The following DNM1L variants were observed in gnomAD, a reference collection of about 807,000 sequenced individuals.
The protein encoded by DNM1L is dynamin-1-like protein.
Under a neutral mutation model 92.8 loss-of-function variants are expected in DNM1L, and 33 were observed. The observed-to-expected ratio is 0.36, with a 90% confidence interval of 0.27 to 0.48. DNM1L has a LOEUF of 0.48. Ranked by LOEUF, DNM1L falls within the 20% of genes least tolerant of loss-of-function variation. The pLI is 0.99. For missense variants in DNM1L, 485 were observed against 888.8 expected, an observed-to-expected ratio of 0.55 and a Z score of 5.78; for synonymous variants, 284 against 305.0, an observed-to-expected ratio of 0.93 and a Z score of 0.72.
At position 32,718,608 on chromosome 12, in the gene DNM1L, T is replaced by G. The variant is rs771143256; in HGVS notation, c.620-35T>G. The G allele has an allele frequency of 1.1e-5, 17 of 1,612,810 alleles. No homozygotes were observed. The South Asian group carries it at 1.5e-4, about 15-fold the overall frequency. ...TGTATTTAATGGATCATTTTCTTTC[T>G]TTTCTTTGCCCTTTTTTCTTTTTGC... On this transcript the variant is annotated intron_variant, in intron 6 of 19. Transcript: ENST00000549701.
At position 32,720,656 on chromosome 12, in the gene DNM1L, A is replaced by C; in HGVS notation, c.741-8A>C. 1 of 1,613,748 alleles carries C rather than the reference A, an allele frequency of 6.2e-7. No homozygotes were observed. The highest frequency in any genetic ancestry group is 8.5e-7 in the Non-Finnish European group (1 of 1,179,798). ...AGCTGAATAGTTTCGTTATTTTTTC[A>C]ACCTCAGGAGCCAGCTAGATATTAA... is the stretch of plus-strand genomic sequence containing the variant. On this transcript the variant is annotated splice_polypyrimidine_tract_variant and splice_region_variant and intron_variant, in intron 7 of 19. Transcript: ENST00000549701.
At chr12:32,689,048 A>G (rs1467839231) in intron 1 of DNM1L, among the ~76,000 whole-genome samples, 1 of 152,188 alleles carries the variant, frequency 6.6e-6, no homozygotes, top group Non-Finnish European at 1.5e-5. Flanking sequence ...ACTCCAGCCT[A>G]AGCAACATAG....
chr12:32,738,760 CTG>C (rs1592684280), intron 16 of DNM1L, among the ~76,000 whole-genome samples: 1 of 152,150 alleles, frequency 6.6e-6, no homozygotes, highest in East Asian at 1.9e-4. Context: ...GAGTTTGAGA[CTG>C]TTTTCAATTC....
At chr12:32,717,094 A>G (rs1170769689) in intron 6 of DNM1L, among the ~76,000 whole-genome samples, 4 of 125,198 alleles carry the variant, frequency 3.2e-5, no homozygotes, top group Non-Finnish European at 4.8e-5. Context: ...TATTTTATAT[A>G]TATATTTTAT....
intron 19 of DNM1L, 114 bp downstream of exon 19, chr12:32,742,862 G>C (rs1955403140): frequency 1.6e-6 from 1 of 606,212 alleles, no homozygotes; most frequent in Non-Finnish European, 2.7e-6. Flanking sequence ...AGCTAGGCTT[G>C]TTTCCTGTTG....
chr12:32,709,677 A>T (rs1179192047), intron 4 of DNM1L: 1 of 152,232 alleles, frequency 6.6e-6, no homozygotes, highest in Admixed American at 6.5e-5. Context: ...ATGACTGCAT[A>T]TGCCTAACAT....
chr12:32,711,565 C>T (rs1165168138), intron 5 of DNM1L, among the ~76,000 whole-genome samples: 2 of 152,072 alleles, frequency 1.3e-5, no homozygotes, highest in East Asian at 1.9e-4. Flanking sequence ...ATTGGCAACT[C>T]ATAAAAAAGC....
At position 32,743,340 on chromosome 12, in the gene DNM1L, T is replaced by C. The variant is rs770726380; in HGVS notation, c.2155-14T>C. Reference sequence around the variant, plus strand: ...TTATAATAAGCATTTAAAATTTTTTTTCCTTTAATGCAGGCATTACAAGGA... The same window carrying C: ...TTATAATAAGCATTTAAAATTTTTTCTCCTTTAATGCAGGCATTACAAGGA... On this transcript the variant is annotated splice_polypyrimidine_tract_variant and intron_variant, in intron 19 of 19. Coordinates refer to ENST00000549701, the MANE Select transcript of DNM1L (RefSeq NM_012062.5). 1.9e-6 allele frequency: 3 copies of C among 1,612,892 alleles called. No homozygotes were observed. The highest frequency in any genetic ancestry group is 1.3e-5 in the African/African-American group (1 of 75,034).
At chr12:32,709,462 T>G (rs1400167344) in intron 4 of DNM1L, 1 of 152,144 alleles carries the variant, frequency 6.6e-6, no homozygotes, top group Non-Finnish European at 1.5e-5. Context: ...CTGAATGTCA[T>G]TGAAGATTGA....
At chr12:32,705,828 C>T (rs763667568) in intron 2 of DNM1L, 2 of 1,597,984 alleles carry the variant, frequency 1.3e-6, no homozygotes, top group South Asian at 1.1e-5. Flanking sequence ...ACTACAGACC[C>T]TGCTACATGG....
chr12:32,681,734 A>T (rs950730891), intron 1 of DNM1L, among the ~76,000 whole-genome samples: 8 of 151,920 alleles, frequency 5.3e-5, no homozygotes, highest in African/African-American at 1.9e-4. Flanking sequence ...TATACCTCAC[A>T]TTTATATTTA....
chr12:32,742,463 C>A, intron 18 of DNM1L, 126 bp from the exon 19 acceptor site: 2 of 1,190,266 alleles, frequency 1.7e-6, no homozygotes, highest in Non-Finnish European at 2.4e-6. Flanking sequence ...GGCGATTATG[C>A]CATTAATGAA....
In DNM1L at chr12:32,723,505, C is replaced by G. The variant is rs183014801; in HGVS notation, c.1079+872C>G. On this transcript the variant is annotated intron_variant, in intron 9 of 19. Coordinates refer to ENST00000549701, the MANE Select transcript of DNM1L (RefSeq NM_012062.5). ...TGACATCAGTTCAAGACCAGCCTGG[C>G]TAACATGGTGAAACCCCATCTCTAC... is the stretch of plus-strand genomic sequence containing the variant. Among the ~76,000 whole-genome samples the G allele has an allele frequency of 1.3e-3, 191 of 152,026 alleles. 1 individual carries two copies. Among genetic ancestry groups the G allele is most frequent in the African/African-American group, 4.5e-3 (185 of 41,480 alleles).
In DNM1L at chr12:32,731,258, G is replaced by C; in HGVS notation, c.1201-98G>C. ...TTGCTCTCATATTTGAAATTAAAAA[G>C]CATTTTTCATGAAAAGTACCAAAAA... On this transcript the variant is annotated intron_variant, in intron 10 of 19. Transcript: ENST00000549701. This position sits in a 1 kb window ranked among gnomAD's most constrained non-coding sequence, Gnocchi z 5.1. 8.4e-7 allele frequency: 1 copy of C among 1,190,076 alleles called. No homozygotes were observed. The highest frequency in any genetic ancestry group is 1.2e-6 in the Non-Finnish European group (1 of 863,556). The allele number at this position is 1,190,076 out of a possible 1,614,324, so 73.7% of individuals were successfully genotyped here. A position where few individuals can be genotyped will look rare whatever the true frequency, so the allele number is the denominator to read the frequency against.
Position 32,679,765 on chromosome 12 carries a change from A to T in DNM1L, c.102+300A>T, listed in dbSNP as rs1354227601. ...AGGGAAGGATGGGGCCGGCGGGCGG[A>T]ACTGGAGTCCGCTGGGACCGGGCGC... On this transcript the variant is annotated intron_variant, in intron 1 of 19. Coordinates refer to ENST00000549701, the MANE Select transcript of DNM1L (RefSeq NM_012062.5). The T allele has an allele frequency of 7.4e-6, 8 of 1,082,758 alleles. No homozygotes were observed. The African/African-American group carries it at 1.2e-4, about 16-fold the overall frequency. The allele number at this position is 1,082,758 out of a possible 1,614,324, so 67.1% of individuals were successfully genotyped here.
chr12:32,743,504 C>G lies in DNM1L; in HGVS notation c.*94C>G. ...CTTATTTATGAACTCCTGTGTATTG[C>G]AATGGTATGAATCTGCTCATGTGGA... On this transcript the variant is annotated 3_prime_UTR_variant, in exon 20 of 20. Transcript: ENST00000549701. 2.5e-6 allele frequency: 3 copies of G among 1,213,396 alleles called. No individual in the cohort carries two copies. The highest frequency in any genetic ancestry group is 3.6e-6 in the Non-Finnish European group (3 of 827,554). 75.2% of individuals were successfully genotyped at this position (1,213,396 alleles called of 1,614,324 possible).
At position 32,743,684 on chromosome 12, in the gene DNM1L, C is replaced by CTGTT. The variant is rs781178788; in HGVS notation, c.*275_*278dup. ...TCATCTGAACTTAACTTAAAAACAA[C>CTGTT]TGTTAATGTTCTAGTTGTGCAAAGC... On this transcript the variant is annotated 3_prime_UTR_variant, in exon 20 of 20. Transcript: ENST00000549701. 167 of 458,054 alleles carry CTGTT rather than the reference C, an allele frequency of 3.6e-4. No individual in the cohort carries two copies. The highest frequency in any genetic ancestry group is 5.9e-4 in the Non-Finnish European group (151 of 253,890). 28.4% of individuals were successfully genotyped at this position (458,054 alleles called of 1,614,324 possible).
At chr12:32,690,894 CT>C (rs1952201845) in intron 1 of DNM1L, among the ~76,000 whole-genome samples, 1 of 152,138 alleles carries the variant, frequency 6.6e-6, no homozygotes, top group Non-Finnish European at 1.5e-5. Flanking sequence ...AAAAAAATCA[CT>C]TTACTGAAGT....
At chr12:32,701,643 ATTAGAAATTAGTGACTGTAGCATAG>A (rs1266200627) in intron 2 of DNM1L, 81 bp downstream of exon 2, 1 of 1,262,192 alleles carries the variant, frequency 7.9e-7, no homozygotes, top group African/African-American at 1.5e-5. Context: ...TGATTAGATA[ATTAGAAATTAGTGACTGTAGCATAG>A]TTAGAAGTCC....
Sources: allele counts gnomAD v4.1 joint callset (sites outside exome capture counted in the v4.1 genomes callset), GRCh38; gene constraint gnomAD v4.1.1; non-coding constraint Gnocchi (gnomAD v3.1); transcripts MANE v1.5; gene names NCBI Gene and HGNC (gene_info 2026-07-23, HGNC 2026-07-21).